THSD7B: variants seen among roughly 807,000 people sequenced by gnomAD.
THSD7B encodes the protein thrombospondin type 1 domain containing 7B, also known as thrombospondin type-1 domain-containing protein 7B.
A neutral mutation model predicts 213.6 loss-of-function variants in THSD7B; 138 were observed. The observed-to-expected ratio is 0.65, with a 90% CI of 0.56 to 0.74. THSD7B has a LOEUF of 0.74. Among genes scored for constraint, THSD7B ranks in the 30% least tolerant of loss-of-function variants. The pLI is 0.00. For synonymous variants in THSD7B, 742 were observed against 687.0 expected (o/e 1.08, Z -1.25); for missense variants, 1,931 against 1,991.5 (o/e 0.97, Z 0.58).
intron 12 of THSD7B, among the ~76,000 whole-genome samples, chr2:137,316,744 C>T (rs1362710673): frequency 1.0e-4 from 13 of 128,192 alleles, no homozygotes; most frequent in East Asian, 4.9e-4. Context: ...GGCGACAGAG[C>T]GAGACTCTGT....
At chr2:137,078,034 T>G (rs1186219769) in intron 3 of THSD7B, among the ~76,000 whole-genome samples, 1 of 152,246 alleles carries the variant, frequency 6.6e-6, no homozygotes, top group African/African-American at 2.4e-5. Flanking sequence ...AGTTTCAGCT[T>G]TCTACATTTG....
chr2:137,649,027 G>T (rs1354965603), intron 21 of THSD7B, among the ~76,000 whole-genome samples: 1 of 151,988 alleles, frequency 6.6e-6, no homozygotes. Flanking sequence ...TACTAATGTT[G>T]AACTTTTTTT....
intron 12 of THSD7B, among the ~76,000 whole-genome samples, chr2:137,360,867 C>A (rs1172201846): frequency 6.6e-6 from 1 of 152,104 alleles, no homozygotes; most frequent in Non-Finnish European, 1.5e-5. Context: ...GGTCTCCCAG[C>A]ATGTTTGAGC....
intron 2 of THSD7B, among the ~76,000 whole-genome samples, chr2:136,932,014 T>C (rs541739236): frequency 1.3e-5 from 2 of 152,302 alleles, no homozygotes; most frequent in South Asian, 4.1e-4. Flanking sequence ...TTAACATAGA[T>C]AGGACTGGTT....
At chr2:136,861,814 C>A (rs1455273480) in intron 1 of THSD7B, among the ~76,000 whole-genome samples, 1 of 152,110 alleles carries the variant, frequency 6.6e-6, no homozygotes, top group African/African-American at 2.4e-5. Context: ...GGTCAGGAAC[C>A]TGAGAGCTAC....
chr2:137,152,456 A>G (rs1679836687), intron 5 of THSD7B, among the ~76,000 whole-genome samples: 2 of 152,216 alleles, frequency 1.3e-5, no homozygotes, highest in African/African-American at 4.8e-5. Flanking sequence ...GAGATTTAAG[A>G]AGCCTGGAGT....
At chr2:137,207,027 G>A (rs13397973) in intron 7 of THSD7B, among the ~76,000 whole-genome samples, 90,039 of 151,566 alleles carry the variant, frequency 0.59, 27,109 homozygotes, top group South Asian at 0.71. Flanking sequence ...GGAAAGTTCA[G>A]AGGGGAGAGA....
At chr2:137,091,444 C>A (rs529288479) in intron 3 of THSD7B, among the ~76,000 whole-genome samples, 2 of 152,140 alleles carry the variant, frequency 1.3e-5, no homozygotes, top group Admixed American at 6.5e-5. Flanking sequence ...TTAGTTTGCT[C>A]GGGCTGTCGT....
chr2:137,124,142 G>A (rs761120226), intron 5 of THSD7B, among the ~76,000 whole-genome samples: 10 of 152,114 alleles, frequency 6.6e-5, no homozygotes, highest in African/African-American at 1.4e-4. Flanking sequence ...GGAAAACCAC[G>A]CTGAGACTAG....
intron 10 of THSD7B, among the ~76,000 whole-genome samples, chr2:137,260,548 A>G (rs1057127180): frequency 6.6e-6 from 1 of 152,118 alleles, no homozygotes; most frequent in East Asian, 1.9e-4. Flanking sequence ...GGATTCCTTG[A>G]GCCCCGGAGT....
chr2:137,416,218 G>A (rs1183106740), intron 14 of THSD7B, among the ~76,000 whole-genome samples: 1 of 152,156 alleles, frequency 6.6e-6, no homozygotes, highest in Non-Finnish European at 1.5e-5. Flanking sequence ...CATGCCAGGA[G>A]CCATCAGCCA....
chr2:137,549,394 C>T (rs76587784), intron 15 of THSD7B, among the ~76,000 whole-genome samples: 6,082 of 139,336 alleles, frequency 0.044, 239 homozygotes, highest in African/African-American at 0.11. Flanking sequence ...TATTCTGTGG[C>T]GCAGACTCAC....
chr2:137,275,741 T>TG (rs1682854458), intron 11 of THSD7B, among the ~76,000 whole-genome samples, 182 bp from the exon 12 acceptor site: 1 of 152,118 alleles, frequency 6.6e-6, no homozygotes, highest in Non-Finnish European at 1.5e-5. Context: ...ATCATGAATC[T>TG]GGGGTAGAGT....
chr2:136,784,081 A>G (rs1051154382), intron 1 of THSD7B, among the ~76,000 whole-genome samples: 1 of 152,232 alleles, frequency 6.6e-6, no homozygotes, highest in Admixed American at 6.5e-5. Flanking sequence ...ATGAGTCACC[A>G]TGTGAAATAC....
intron 1 of THSD7B, among the ~76,000 whole-genome samples, chr2:136,874,319 T>C (rs1415469478): frequency 6.6e-6 from 1 of 152,168 alleles, no homozygotes; most frequent in African/African-American, 2.4e-5. Context: ...GTGGTGAGCA[T>C]TAAATGAAGT....
chr2:137,217,213 A>G (rs1348317161), intron 7 of THSD7B, among the ~76,000 whole-genome samples: 1 of 152,258 alleles, frequency 6.6e-6, no homozygotes, highest in African/African-American at 2.4e-5. Context: ...AAAGCTTTGC[A>G]TAAATGCCTT....
At chr2:137,237,871 C>T (rs1681803409) in intron 9 of THSD7B, among the ~76,000 whole-genome samples, 1 of 152,144 alleles carries the variant, frequency 6.6e-6, no homozygotes, top group Non-Finnish European at 1.5e-5. Context: ...AGACAATTTC[C>T]ATTGCAACAA....
intron 2 of THSD7B, among the ~76,000 whole-genome samples, chr2:137,029,403 C>T (rs1686617616): frequency 6.6e-6 from 1 of 151,978 alleles, no homozygotes; most frequent in Non-Finnish European, 1.5e-5. Context: ...TAAAAAATAT[C>T]CCATTTTAGA....
intron 2 of THSD7B, among the ~76,000 whole-genome samples, chr2:136,980,257 T>C (rs968413527): frequency 3.9e-5 from 6 of 152,166 alleles, no homozygotes; most frequent in African/African-American, 1.2e-4. Context: ...AGGGACCCGC[T>C]TAAAGAGCAG....
Sources: allele counts gnomAD v4.1 joint callset (sites outside exome capture counted in the v4.1 genomes callset), GRCh38; gene constraint gnomAD v4.1.1; transcripts MANE v1.5; gene names NCBI Gene and HGNC (gene_info 2026-07-23, HGNC 2026-07-21).